The following BRINP1 variants were observed in gnomAD, a reference collection of about 807,000 sequenced individuals.
BRINP1 encodes BMP/retinoic acid-inducible neural-specific protein 1.
A neutral mutation model predicts 72.9 loss-of-function variants in BRINP1; 17 were observed. That is an observed-to-expected ratio of 0.23 (90% confidence interval 0.16 to 0.35). The LOEUF (loss-of-function observed/expected upper bound fraction) is 0.35. Ranked by LOEUF, BRINP1 falls within the 10% of genes least tolerant of loss-of-function variation. BRINP1 has a pLI of 1.00. For missense variants in BRINP1, 850 were observed against 1,001.6 expected (o/e 0.85, Z 2.04); for synonymous variants, 418 against 378.5 (o/e 1.10, Z -1.21).
chr9:119,300,285 T>G (rs1293107940), intron 2 of BRINP1, among the ~76,000 whole-genome samples: 1 of 152,024 alleles, frequency 6.6e-6, no homozygotes, highest in Non-Finnish European at 1.5e-5. Context: ...TAGAAAAAAT[T>G]TTAAAAAGAC....
chr9:119,166,916 A>T lies in BRINP1; in HGVS notation c.*168T>A. On this transcript the variant is annotated 3_prime_UTR_variant, in exon 8 of 8. Coordinates refer to ENST00000265922, the MANE Select transcript of BRINP1 (RefSeq NM_014618.3). ...TAACAAACATGCCCAACGCTTTTAT[A>T]CAGTTGCTAGAACGTTTTCATTTCC... The T allele has an allele frequency of 1.4e-6, 1 of 713,428 alleles. No individual in the cohort carries two copies. Among genetic ancestry groups the T allele is most frequent in the Non-Finnish European group, 2.3e-6 (1 of 435,892 alleles). The allele number at this position is 713,428 out of a possible 1,614,324, so 44.2% of individuals were successfully genotyped here.
intron 2 of BRINP1, among the ~76,000 whole-genome samples, chr9:119,291,038 G>A (rs984689968): frequency 1.1e-4 from 16 of 151,188 alleles, no homozygotes; most frequent in Non-Finnish European, 1.5e-4. Flanking sequence ...CAGGAGAAGC[G>A]CTTGAACCTG....
intron 1 of BRINP1, among the ~76,000 whole-genome samples, chr9:119,360,954 T>G (rs1831622899): frequency 6.6e-6 from 1 of 152,198 alleles, no homozygotes; most frequent in African/African-American, 2.4e-5. Flanking sequence ...CTGCCACCCT[T>G]GAGGGAATAC....
At chr9:119,190,410 AC>A (rs758101194) in intron 7 of BRINP1, among the ~76,000 whole-genome samples, 15 of 139,260 alleles carry the variant, frequency 1.1e-4, no homozygotes, top group Non-Finnish European at 2.1e-4. Flanking sequence ...CCCTAGCTAG[AC>A]TAAAAAAAAA....
At chr9:119,226,457 A>G (rs1450057906) in intron 5 of BRINP1, among the ~76,000 whole-genome samples, 4 of 152,044 alleles carry the variant, frequency 2.6e-5, no homozygotes, top group Admixed American at 2.6e-4. Flanking sequence ...CCACATGGCT[A>G]CATACCAAGA....
intron 2 of BRINP1, among the ~76,000 whole-genome samples, chr9:119,311,088 T>C (rs1831061499): frequency 6.6e-6 from 1 of 152,214 alleles, no homozygotes; most frequent in Non-Finnish European, 1.5e-5. Context: ...GCACTTGTTA[T>C]ACCTTGAAAT....
chr9:119,268,289 T>TAGACAGAC (rs1554752354), intron 2 of BRINP1, among the ~76,000 whole-genome samples: 18 of 148,708 alleles, frequency 1.2e-4, no homozygotes, highest in African/African-American at 3.6e-4. Flanking sequence ...GATAGATAGA[T>TAGACAGAC]AGATAGATAG....
chr9:119,351,747 A>T (rs2119033246), intron 1 of BRINP1, among the ~76,000 whole-genome samples: 1 of 152,324 alleles, frequency 6.6e-6, no homozygotes, highest in South Asian at 2.1e-4. Context: ...ATAGTAGGAA[A>T]GTCAATGAGC....
chr9:119,274,351 G>A (rs1830633816), intron 2 of BRINP1, among the ~76,000 whole-genome samples: 1 of 152,184 alleles, frequency 6.6e-6, no homozygotes, highest in Admixed American at 6.5e-5. Context: ...GGACCTATGA[G>A]GGAGAAGCAA....
At chr9:119,173,342 A>G (rs1829440632) in intron 7 of BRINP1, among the ~76,000 whole-genome samples, 1 of 146,238 alleles carries the variant, frequency 6.8e-6, no homozygotes. Context: ...CCAACAACAG[A>G]CAAACAGAGA....
At chr9:119,317,268 G>A (rs149361430) in intron 1 of BRINP1, among the ~76,000 whole-genome samples, 2 of 152,068 alleles carry the variant, frequency 1.3e-5, no homozygotes, top group East Asian at 1.9e-4. Flanking sequence ...AAATATCAAC[G>A]GTAACAGGAG....
intron 1 of BRINP1, among the ~76,000 whole-genome samples, chr9:119,341,328 A>G (rs1831403853): frequency 6.6e-6 from 1 of 152,206 alleles, no homozygotes; most frequent in Admixed American, 6.5e-5. Context: ...ATCCCTTTCC[A>G]GTTCTCTCTT....
At chr9:119,231,731 A>G (rs942531541) in intron 5 of BRINP1, among the ~76,000 whole-genome samples, 1 of 151,894 alleles carries the variant, frequency 6.6e-6, no homozygotes, top group African/African-American at 2.4e-5. Flanking sequence ...TCCTTATATA[A>G]CATCCAAGAT....
intron 1 of BRINP1, among the ~76,000 whole-genome samples, chr9:119,349,578 G>A (rs1446518189): frequency 6.6e-6 from 1 of 152,170 alleles, no homozygotes; most frequent in Admixed American, 6.5e-5. Flanking sequence ...CAGTTAAATA[G>A]AACTGGGAAC....
At chr9:119,201,318 C>T (rs1228736131) in intron 7 of BRINP1, among the ~76,000 whole-genome samples, 1 of 152,184 alleles carries the variant, frequency 6.6e-6, no homozygotes, top group African/African-American at 2.4e-5. Context: ...AATTACTGAC[C>T]TTCTACCAAT....
intron 3 of BRINP1, among the ~76,000 whole-genome samples, chr9:119,247,507 T>C (rs548028409): frequency 9.5e-4 from 144 of 151,802 alleles, no homozygotes; most frequent in South Asian, 3.8e-3. Flanking sequence ...TATAAAAAAT[T>C]AGCCGGGCAT....
intron 1 of BRINP1, among the ~76,000 whole-genome samples, chr9:119,323,660 A>C (rs1359359): frequency 0.25 from 38,777 of 152,182 alleles, 5,934 homozygotes; most frequent in Non-Finnish European, 0.33. Flanking sequence ...TTAGCATTAA[A>C]CATCTGCCAA....
At chr9:119,342,776 T>C (rs1831417475) in intron 1 of BRINP1, among the ~76,000 whole-genome samples, 1 of 152,204 alleles carries the variant, frequency 6.6e-6, no homozygotes, top group Non-Finnish European at 1.5e-5. Context: ...AATTACTATT[T>C]CAAAACTGCC....
rs142884841 is a variant in BRINP1, at chr9:119,195,169, G to A, written c.1145+13550C>T. 2.2e-3 allele frequency among the ~76,000 whole-genome samples: 329 copies of A among 152,180 alleles called. 1 individual carries two copies. In the Middle Eastern group the frequency reaches 0.058, roughly 27 times the overall value. ...TATCTTCTAGGTAGTCTATCTTCTA[G>A]ATCTTGAGCTGTCTGTGAACAGGGG... is the stretch of plus-strand genomic sequence containing the variant. On this transcript the variant is annotated intron_variant, in intron 7 of 7. Coordinates refer to ENST00000265922, the MANE Select transcript of BRINP1 (RefSeq NM_014618.3).
Sources: gnomAD v4.1 joint callset for allele counts (sites outside exome capture counted in the v4.1 genomes callset) on GRCh38, gnomAD v4.1.1 for gene constraint, MANE v1.5 for transcripts, NCBI Gene and HGNC (gene_info 2026-07-23, HGNC 2026-07-21) for gene names.